The following FER1L6 variants were observed in gnomAD, a reference collection of about 807,000 sequenced individuals.
FER1L6 encodes fer-1 like family member 6.
A neutral mutation model predicts 219.2 loss-of-function variants in FER1L6; 177 were observed. The ratio of observed to expected loss-of-function variants is 0.81; its 90% CI spans 0.71 to 0.91. The LOEUF (loss-of-function observed/expected upper bound fraction) is 0.91, where lower values mean the gene tolerates loss of function less well. FER1L6 is among the 40% of genes least tolerant of loss of function. FER1L6 has a pLI of 0.00. For synonymous variants in FER1L6, 768 were observed against 824.3 expected (o/e 0.93, Z 1.17); for missense variants, 2,153 against 2,259.9 (o/e 0.95, Z 0.96).
chr8:123,992,784 T>C (rs1345073220), intron 12 of FER1L6, among the ~76,000 whole-genome samples: 1 of 152,192 alleles, frequency 6.6e-6, no homozygotes, highest in African/African-American at 2.4e-5. Context: ...TCTACTTCCT[T>C]GAGGTGCGAC....
At chr8:123,878,238 T>A (rs1817043751) in intron 1 of FER1L6, among the ~76,000 whole-genome samples, 1 of 152,058 alleles carries the variant, frequency 6.6e-6, no homozygotes, top group African/African-American at 2.4e-5. Flanking sequence ...TACTGAGAAT[T>A]AGGGCAGGGA....
chr8:124,002,811 A>G (rs544527906), intron 12 of FER1L6, among the ~76,000 whole-genome samples: 43 of 151,792 alleles, frequency 2.8e-4, no homozygotes, highest in African/African-American at 9.4e-4. Context: ...TGACGTATCT[A>G]TGATTCTTTA....
intron 6 of FER1L6, among the ~76,000 whole-genome samples, chr8:123,971,373 T>C (rs1815805451): frequency 6.6e-6 from 1 of 152,226 alleles, no homozygotes. Flanking sequence ...TTTCAGGACC[T>C]GGGACAATGC....
intron 1 of FER1L6, among the ~76,000 whole-genome samples, chr8:123,888,170 G>A (rs1817240063): frequency 1.3e-5 from 2 of 151,524 alleles, no homozygotes; most frequent in African/African-American, 2.4e-5. Flanking sequence ...ATGTTGGAGT[G>A]CAGTGACACG....
intron 1 of FER1L6, among the ~76,000 whole-genome samples, chr8:123,872,786 A>C (rs752417707): frequency 6.6e-6 from 1 of 152,116 alleles, no homozygotes; most frequent in Non-Finnish European, 1.5e-5. Context: ...GGTATTACCA[A>C]CTCCTTGACA....
chr8:124,083,941 T>C (rs1324344982), intron 33 of FER1L6, among the ~76,000 whole-genome samples: 1 of 152,202 alleles, frequency 6.6e-6, no homozygotes, highest in African/African-American at 2.4e-5. Context: ...TCCTCTTCAA[T>C]TTCTTGCACC....
chr8:123,980,834 G>A (rs1420218371), intron 11 of FER1L6, 23 bp downstream of exon 11: 2 of 1,582,640 alleles, frequency 1.3e-6, no homozygotes, highest in Non-Finnish European at 8.6e-7. Context: ...ACTGCATTAT[G>A]GTACTTTACC....
rs1022226489 is a variant in FER1L6, at chr8:123,943,422, G to A, written c.-7-12570G>A. 2.6e-5 allele frequency among the ~76,000 whole-genome samples: 4 copies of A among 152,018 alleles called. No individual in the cohort carries two copies. In the South Asian group the frequency reaches 6.2e-4, roughly 24 times the overall value. On this transcript the variant is annotated intron_variant, in intron 1 of 40. Coordinates refer to ENST00000522917, the MANE Select transcript of FER1L6 (RefSeq NM_001039112.2). ...GCTTCTGTGTTTGCTGATCAGAGTC[G>A]GGCTCTGGCAGCCAACCCGAACAGA...
chr8:123,941,231 T>G (rs2129992724), intron 1 of FER1L6, among the ~76,000 whole-genome samples: 1 of 152,270 alleles, frequency 6.6e-6, no homozygotes, highest in Middle Eastern at 3.4e-3. Flanking sequence ...AGGAAAAAGC[T>G]CTGGGAACCT....
At chr8:123,903,038 A>G (rs1017240701) in intron 1 of FER1L6, among the ~76,000 whole-genome samples, 1 of 152,166 alleles carries the variant, frequency 6.6e-6, no homozygotes, top group Non-Finnish European at 1.5e-5. Context: ...GAAAAAGACT[A>G]TCTTTCCTTC....
chr8:123,923,281 G>A (rs1042447880), intron 1 of FER1L6, among the ~76,000 whole-genome samples: 1 of 152,224 alleles, frequency 6.6e-6, no homozygotes, highest in Admixed American at 6.5e-5. Flanking sequence ...ATGGGACAGA[G>A]GCACAGAGAG....
chr8:124,041,738 G>A (rs1412411117), intron 20 of FER1L6, among the ~76,000 whole-genome samples: 4 of 152,200 alleles, frequency 2.6e-5, no homozygotes, highest in African/African-American at 9.7e-5. Flanking sequence ...CAGTGACTGA[G>A]CATAAAAATG....
chr8:124,022,105 G>A (rs1342470408), intron 17 of FER1L6, among the ~76,000 whole-genome samples: 13 of 152,178 alleles, frequency 8.5e-5, no homozygotes, highest in South Asian at 2.1e-4. Context: ...ACTGACACTC[G>A]TTCTTGAAGC....
intron 1 of FER1L6, among the ~76,000 whole-genome samples, chr8:123,892,626 A>G (rs1265110132): frequency 6.6e-6 from 1 of 152,128 alleles, no homozygotes; most frequent in African/African-American, 2.4e-5. Flanking sequence ...TGCTATCTCT[A>G]TTCATTGTTT....
chr8:124,103,481 C>T (rs559754108), intron 39 of FER1L6, among the ~76,000 whole-genome samples, 172 bp downstream of exon 39: 28 of 152,300 alleles, frequency 1.8e-4, no homozygotes, highest in African/African-American at 6.7e-4. Context: ...TGCAAGAAGA[C>T]TTAGCTATCT....
At chr8:123,952,317 C>G (rs1814805717) in intron 1 of FER1L6, among the ~76,000 whole-genome samples, 1 of 152,236 alleles carries the variant, frequency 6.6e-6, no homozygotes, top group South Asian at 2.1e-4. Flanking sequence ...GCCAGGCTGG[C>G]TGCCTCCCTG....
intron 12 of FER1L6, among the ~76,000 whole-genome samples, chr8:123,989,189 A>G (rs1281358384): frequency 1.3e-5 from 2 of 152,160 alleles, no homozygotes; most frequent in African/African-American, 4.8e-5. Flanking sequence ...GTCATGATGA[A>G]TGATATTTTT....
chr8:123,902,099 A>G (rs1812869893), intron 1 of FER1L6, among the ~76,000 whole-genome samples: 1 of 152,050 alleles, frequency 6.6e-6, no homozygotes, highest in Non-Finnish European at 1.5e-5. Flanking sequence ...TTTAATTTCC[A>G]TATATTTGGA....
intron 1 of FER1L6, among the ~76,000 whole-genome samples, chr8:123,890,185 A>G (rs1812616255): frequency 6.6e-6 from 1 of 152,142 alleles, no homozygotes; most frequent in African/African-American, 2.4e-5. Context: ...AGGTAATACT[A>G]GCCCTAAAGT....
Sources: allele counts gnomAD v4.1 joint callset (sites outside exome capture counted in the v4.1 genomes callset), GRCh38; gene constraint gnomAD v4.1.1; transcripts MANE v1.5; gene names NCBI Gene and HGNC (gene_info 2026-07-23, HGNC 2026-07-21).